ENOX1: variants seen among roughly 807,000 people sequenced by gnomAD.
ENOX1 encodes the protein candidate growth-related and time keeping constitutive hydroquinone (NADH) oxidase.
ENOX1 carries 42 observed loss-of-function variants against 82.5 expected under a neutral mutation model. That is an observed-to-expected ratio of 0.51 (90% CI 0.40 to 0.66). The LOEUF is 0.66. ENOX1 is among the 30% of genes least tolerant of loss of function. The pLI is 0.00. For synonymous variants in ENOX1, 271 were observed against 282.2 expected (o/e 0.96, Z 0.40); for missense variants, 608 against 811.6 (o/e 0.75, Z 3.05).
intron 5 of ENOX1, among the ~76,000 whole-genome samples, chr13:43,407,986 G>A (rs768021504): frequency 2.0e-5 from 3 of 152,212 alleles, no homozygotes; most frequent in Non-Finnish European, 4.4e-5. Flanking sequence ...ATGGGATTTA[G>A]GATTGGGGTA....
intron 3 of ENOX1, among the ~76,000 whole-genome samples, chr13:43,466,627 T>A (rs1175180068): frequency 6.6e-6 from 1 of 152,186 alleles, no homozygotes; most frequent in Non-Finnish European, 1.5e-5. Context: ...GAGTACAACT[T>A]TATTTTTTTA....
chr13:43,747,423 C>A (rs138273892), intron 1 of ENOX1, among the ~76,000 whole-genome samples: 2 of 152,198 alleles, frequency 1.3e-5, no homozygotes, highest in East Asian at 1.9e-4. Context: ...ACTGCCATAA[C>A]TGCCCTTCAT....
At chr13:43,533,588 G>A (rs927285697) in intron 2 of ENOX1, among the ~76,000 whole-genome samples, 3 of 151,884 alleles carry the variant, frequency 2.0e-5, no homozygotes, top group Non-Finnish European at 4.4e-5. Flanking sequence ...CAGTTTATAC[G>A]TTTTCTAACT....
At chr13:43,681,169 T>C (rs299358) in intron 1 of ENOX1, among the ~76,000 whole-genome samples, 1 of 152,146 alleles carries the variant, frequency 6.6e-6, no homozygotes, top group Non-Finnish European at 1.5e-5. Flanking sequence ...AACCATTTCT[T>C]TGCTTTTCTT....
At chr13:43,480,709 T>C (rs887142665) in intron 3 of ENOX1, among the ~76,000 whole-genome samples, 3 of 152,032 alleles carry the variant, frequency 2.0e-5, no homozygotes, top group African/African-American at 7.2e-5. Context: ...TATGAGAGAC[T>C]ACAAGGAACA....
chr13:43,285,380 G>T (rs1185666599), intron 12 of ENOX1, among the ~76,000 whole-genome samples: 1 of 152,112 alleles, frequency 6.6e-6, no homozygotes, highest in Non-Finnish European at 1.5e-5. Flanking sequence ...CATTATGAAT[G>T]ATTTTTATTT....
At chr13:43,217,765 A>G (rs1023885413) in intron 16 of ENOX1, among the ~76,000 whole-genome samples, 2 of 152,194 alleles carry the variant, frequency 1.3e-5, no homozygotes, top group African/African-American at 4.8e-5. Context: ...AAAGAAACAC[A>G]GGGAATGCCC....
At chr13:43,441,835 A>T (rs2056375489) in intron 3 of ENOX1, among the ~76,000 whole-genome samples, 1 of 152,034 alleles carries the variant, frequency 6.6e-6, no homozygotes. Flanking sequence ...GGAGCAAGAA[A>T]GAACACTTTT....
intron 9 of ENOX1, among the ~76,000 whole-genome samples, chr13:43,338,335 A>G (rs994099053): frequency 6.6e-6 from 1 of 152,222 alleles, no homozygotes; most frequent in Admixed American, 6.5e-5. Context: ...TTAAAAAGCA[A>G]AGATAAAAAC....
chr13:43,253,880 G>A (rs2043600006), intron 14 of ENOX1, among the ~76,000 whole-genome samples: 2 of 152,186 alleles, frequency 1.3e-5, no homozygotes, highest in African/African-American at 4.8e-5. Context: ...TTGTTGCTCA[G>A]GGTATCAGGC....
intron 1 of ENOX1, among the ~76,000 whole-genome samples, chr13:43,708,081 T>C (rs534938219): frequency 6.6e-6 from 1 of 152,206 alleles, no homozygotes; most frequent in African/African-American, 2.4e-5. Context: ...CTGAAGCTGA[T>C]GATCAGCGGC....
At chr13:43,364,243 C>A (rs2050703832) in intron 5 of ENOX1, among the ~76,000 whole-genome samples, 1 of 152,102 alleles carries the variant, frequency 6.6e-6, no homozygotes, top group Admixed American at 6.5e-5. Flanking sequence ...GCAGCGCAAC[C>A]CGAAGAATCA....
chr13:43,533,370 C>T (rs1260371084), intron 2 of ENOX1, among the ~76,000 whole-genome samples: 1 of 152,102 alleles, frequency 6.6e-6, no homozygotes, highest in African/African-American at 2.4e-5. Flanking sequence ...CAGAAAAACA[C>T]TGAAAGAAGT....
At chr13:43,345,503 G>A (rs1300258751) in intron 8 of ENOX1, among the ~76,000 whole-genome samples, 3 of 152,100 alleles carry the variant, frequency 2.0e-5, no homozygotes, top group Admixed American at 6.5e-5. Context: ...ATGAAGTTCC[G>A]CCTGAAAATA....
intron 1 of ENOX1, among the ~76,000 whole-genome samples, chr13:43,734,257 GTT>G (rs1281346272): frequency 6.6e-6 from 1 of 151,562 alleles, no homozygotes; most frequent in East Asian, 1.9e-4. Context: ...AATCCACCTA[GTT>G]TCCACTTAAT....
intron 12 of ENOX1, among the ~76,000 whole-genome samples, chr13:43,284,906 T>C (rs2045604308): frequency 6.7e-6 from 1 of 149,640 alleles, no homozygotes; most frequent in Non-Finnish European, 1.5e-5. Flanking sequence ...TGAGAGGCAA[T>C]TATAAAAGAG....
intron 5 of ENOX1, among the ~76,000 whole-genome samples, chr13:43,403,253 G>A (rs959254770): frequency 3.3e-5 from 5 of 152,010 alleles, no homozygotes; most frequent in African/African-American, 9.7e-5. Context: ...TGTATTTGTT[G>A]TAGTATACAT....
At chr13:43,728,877 C>T (rs1034247599) in intron 1 of ENOX1, among the ~76,000 whole-genome samples, 6 of 152,222 alleles carry the variant, frequency 3.9e-5, no homozygotes, top group East Asian at 1.9e-4. Context: ...CTCTGAATTA[C>T]GTTAAATGGC....
At chr13:43,644,863 G>T (rs908247210) in intron 2 of ENOX1, among the ~76,000 whole-genome samples, 2 of 152,096 alleles carry the variant, frequency 1.3e-5, no homozygotes, top group African/African-American at 4.8e-5. Context: ...AACATTTACA[G>T]TACCTTTCAG....
Sources: gnomAD v4.1 joint callset for allele counts (sites outside exome capture counted in the v4.1 genomes callset) on GRCh38, gnomAD v4.1.1 for gene constraint, MANE v1.5 for transcripts, NCBI Gene and HGNC (gene_info 2026-07-23, HGNC 2026-07-21) for gene names.